The following GRM1 variants were observed in gnomAD, a reference collection of about 807,000 sequenced individuals.
The protein encoded by GRM1 is metabotropic glutamate receptor 1.
GRM1 carries 33 observed loss-of-function variants against 90.9 expected under a neutral mutation model. The observed-to-expected ratio is 0.36, with a 90% CI of 0.28 to 0.49. GRM1 has a LOEUF of 0.49. Ranked by LOEUF, GRM1 falls within the 20% of genes least tolerant of loss-of-function variation. The pLI, the probability that GRM1 is intolerant of heterozygous loss-of-function variation, is 0.99. For synonymous variants in GRM1, 700 were observed against 613.2 expected (o/e 1.14, Z -2.09); for missense variants, 1,190 against 1,534.3 (o/e 0.78, Z 3.75).
At chr6:146,397,015 C>T (rs1776963882) in intron 6 of GRM1, among the ~76,000 whole-genome samples, 1 of 152,148 alleles carries the variant, frequency 6.6e-6, no homozygotes, top group Non-Finnish European at 1.5e-5. Context: ...GAATGACTCT[C>T]ATGCTAGTAC....
intron 2 of GRM1, among the ~76,000 whole-genome samples, chr6:146,296,424 G>A (rs1583289298): frequency 6.6e-6 from 1 of 152,232 alleles, no homozygotes; most frequent in African/African-American, 2.4e-5. Context: ...TTGGTGGTGA[G>A]AACATTTAAA....
At chr6:146,186,386 T>C (rs1204301394) in intron 2 of GRM1, among the ~76,000 whole-genome samples, 79 of 152,300 alleles carry the variant, frequency 5.2e-4, no homozygotes, top group Non-Finnish European at 2.6e-4. Flanking sequence ...TGGAAATCAG[T>C]TGTCTCTGTA....
At chr6:146,141,542 T>C (rs980351739) in intron 1 of GRM1, among the ~76,000 whole-genome samples, 1 of 152,200 alleles carries the variant, frequency 6.6e-6, no homozygotes, top group African/African-American at 2.4e-5. Flanking sequence ...TTTGAGACTA[T>C]ATTCTAGATC....
At chr6:146,379,569 G>A (rs1776242155) in intron 5 of GRM1, among the ~76,000 whole-genome samples, 1 of 151,822 alleles carries the variant, frequency 6.6e-6, no homozygotes, top group Non-Finnish European at 1.5e-5. Context: ...CTCCAAGATT[G>A]GTTTCCGGTG....
chr6:146,318,907 C>A (rs1784072328), intron 3 of GRM1, among the ~76,000 whole-genome samples: 2 of 152,062 alleles, frequency 1.3e-5, no homozygotes, highest in Non-Finnish European at 2.9e-5. Context: ...AGCCCTTTGT[C>A]AGATGGATAG....
At chr6:146,368,004 A>G (rs796198616) in intron 5 of GRM1, among the ~76,000 whole-genome samples, 19 of 152,182 alleles carry the variant, frequency 1.2e-4, no homozygotes, top group African/African-American at 4.1e-4. Context: ...TGAACATGGA[A>G]TATCTTTTTA....
chr6:146,076,952 C>T (rs574798778), intron 1 of GRM1, among the ~76,000 whole-genome samples: 7 of 152,096 alleles, frequency 4.6e-5, no homozygotes, highest in Non-Finnish European at 8.8e-5. Context: ...CACAGGAAGC[C>T]AGGTCCTGGC....
chr6:146,225,157 G>A (rs1436354925), intron 2 of GRM1, among the ~76,000 whole-genome samples: 1 of 152,098 alleles, frequency 6.6e-6, no homozygotes, highest in Non-Finnish European at 1.5e-5. Flanking sequence ...TGGTCCACGG[G>A]AATCACAGTG....
chr6:146,255,044 G>A (rs1461227019), intron 2 of GRM1, among the ~76,000 whole-genome samples: 2 of 152,178 alleles, frequency 1.3e-5, no homozygotes, highest in Admixed American at 1.3e-4. Context: ...TGAAGAATGT[G>A]AGATAACTTA....
rs181212510 is a variant in GRM1 at position 146,064,305 on chromosome 6, G to A, written c.700+34088G>A. On this transcript the variant is annotated intron_variant, in intron 1 of 7. Transcript: ENST00000282753. ...AGCTGTGTATTTTCCATAGTGTTAA[G>A]TTGAACAATAGAACTATTACCTGGT... 2.6e-5 allele frequency among the ~76,000 whole-genome samples: 4 copies of A among 152,240 alleles called. No individual in the cohort carries two copies. In the East Asian group the frequency reaches 7.7e-4, roughly 29 times the overall value.
At position 146,066,656 on chromosome 6, in the gene GRM1, A is replaced by G. The variant is rs531238135; in HGVS notation, c.700+36439A>G. On this transcript the variant is annotated intron_variant, in intron 1 of 7. Transcript: ENST00000282753. ...ATTGCTCTCTATGGTGAATGAACTA[A>G]TTTACATTCCACCAACAGTGTAAAT... 7.9e-5 allele frequency among the ~76,000 whole-genome samples: 12 copies of G among 152,254 alleles called. No individual in the cohort carries two copies. The East Asian group carries it at 1.2e-3, about 15-fold the overall frequency.
intron 5 of GRM1, among the ~76,000 whole-genome samples, chr6:146,363,023 G>A (rs1325515896): frequency 1.3e-5 from 2 of 152,152 alleles, no homozygotes; most frequent in Admixed American, 6.6e-5. Flanking sequence ...TGTGCTGCAA[G>A]CATTATTAAA....
intron 1 of GRM1, among the ~76,000 whole-genome samples, chr6:146,062,963 A>T (rs1775725697): frequency 1.3e-5 from 2 of 152,038 alleles, no homozygotes; most frequent in African/African-American, 4.8e-5. Context: ...TGTGCTATAA[A>T]TGTTCTTTTA....
At chr6:146,203,535 A>G (rs1429737642) in intron 2 of GRM1, among the ~76,000 whole-genome samples, 1 of 152,210 alleles carries the variant, frequency 6.6e-6, no homozygotes, top group Non-Finnish European at 1.5e-5. Flanking sequence ...TGGGAGATGT[A>G]GACTCTGACT....
At chr6:146,275,591 A>T (rs1356970486) in intron 2 of GRM1, among the ~76,000 whole-genome samples, 1 of 150,930 alleles carries the variant, frequency 6.6e-6, no homozygotes, top group East Asian at 1.9e-4. Context: ...CTCTATCCCT[A>T]TCCATAAGTT....
At chr6:146,226,639 T>C (rs180913475) in intron 2 of GRM1, among the ~76,000 whole-genome samples, 2 of 152,280 alleles carry the variant, frequency 1.3e-5, no homozygotes, top group Admixed American at 6.5e-5. Flanking sequence ...GTGGTCTTAA[T>C]TAAAACCGCT....
chr6:146,051,671 C>T (rs961853289), intron 1 of GRM1, among the ~76,000 whole-genome samples: 1 of 152,008 alleles, frequency 6.6e-6, no homozygotes. Context: ...GTGCCTGCAG[C>T]GGGGAGCCAG....
At chr6:146,145,651 G>T (rs897729758) in intron 1 of GRM1, among the ~76,000 whole-genome samples, 4 of 152,224 alleles carry the variant, frequency 2.6e-5, no homozygotes, top group African/African-American at 9.7e-5. Context: ...AGGATGTCAT[G>T]GAAAGGCAGG....
At chr6:146,062,235 T>C (rs1775696549) in intron 1 of GRM1, among the ~76,000 whole-genome samples, 1 of 151,058 alleles carries the variant, frequency 6.6e-6, no homozygotes, top group Non-Finnish European at 1.5e-5. Context: ...CAGCAAACTA[T>C]CACAAGAACA....
Sources: allele counts gnomAD v4.1 joint callset (sites outside exome capture counted in the v4.1 genomes callset), GRCh38; gene constraint gnomAD v4.1.1; transcripts MANE v1.5; gene names NCBI Gene and HGNC (gene_info 2026-07-23, HGNC 2026-07-21).